The following PLCB1 variants were observed in gnomAD, a reference collection of about 807,000 sequenced individuals.
PLCB1 encodes 1-phosphatidylinositol 4,5-bisphosphate phosphodiesterase beta-1.
A neutral mutation model predicts 161.8 loss-of-function variants in PLCB1; 46 were observed. The ratio of observed to expected loss-of-function variants is 0.28; its 90% CI spans 0.22 to 0.36. The LOEUF (loss-of-function observed/expected upper bound fraction) is 0.36, where lower values mean the gene tolerates loss of function less well. Among genes scored for constraint, PLCB1 ranks in the 10% least tolerant of loss-of-function variants. The pLI is 1.00. For missense variants in PLCB1, 1,016 were observed against 1,472.5 expected (o/e 0.69, Z 5.07); for synonymous variants, 517 against 503.7 (o/e 1.03, Z -0.35).
chr20:8,550,555 A>T (rs1277199843), intron 3 of PLCB1, among the ~76,000 whole-genome samples: 3 of 152,134 alleles, frequency 2.0e-5, no homozygotes, highest in East Asian at 1.9e-4. Context: ...GCCATGCAGA[A>T]CTGTCAGTCA....
At chr20:8,768,276 T>C (rs1406824474) in intron 26 of PLCB1, among the ~76,000 whole-genome samples, 1 of 152,160 alleles carries the variant, frequency 6.6e-6, no homozygotes, top group Non-Finnish European at 1.5e-5. Flanking sequence ...TTCTAACTTC[T>C]GGTGGTTGCT....
At chr20:8,376,034 A>T (rs1030206597) in intron 3 of PLCB1, among the ~76,000 whole-genome samples, 2 of 150,296 alleles carry the variant, frequency 1.3e-5, no homozygotes, top group Non-Finnish European at 3.0e-5. Flanking sequence ...AAGCTTCTTT[A>T]TGTGTGGCTT....
At chr20:8,804,925 C>A (rs981422) in intron 31 of PLCB1, among the ~76,000 whole-genome samples, 14,746 of 145,710 alleles carry the variant, frequency 0.1, 2,087 homozygotes, top group African/African-American at 0.32. Flanking sequence ...TCCCTTGAAC[C>A]CGGAAGGTGA....
At chr20:8,863,549 A>C (rs563426959) in intron 31 of PLCB1, among the ~76,000 whole-genome samples, 3 of 152,322 alleles carry the variant, frequency 2.0e-5, no homozygotes, top group East Asian at 1.9e-4. Flanking sequence ...TGAGCCTGAG[A>C]ACATGTGTTT....
At position 8,882,718 on chromosome 20, in the gene PLCB1, A is replaced by G. The variant is rs918469625; in HGVS notation, c.*869A>G. On this transcript the variant is annotated 3_prime_UTR_variant, in exon 32 of 32. Coordinates refer to ENST00000338037, the MANE Select transcript of PLCB1 (RefSeq NM_015192.4). Reference sequence around the variant, plus strand: ...ATATATGTTAAGCAGATATTCAATCAGAATGAACAGGTTCCGGTGGTTATT... The same window carrying G: ...ATATATGTTAAGCAGATATTCAATCGGAATGAACAGGTTCCGGTGGTTATT... The G allele has an allele frequency of 2.0e-5, 3 of 152,304 alleles. No homozygotes were observed. The highest frequency in any genetic ancestry group is 4.4e-5 in the Non-Finnish European group (3 of 68,040). The allele number at this position is 152,304 out of a possible 1,614,324, so 9.4% of individuals were successfully genotyped here. A position where few individuals can be genotyped will look rare whatever the true frequency, so the allele number is the denominator to read the frequency against.
At chr20:8,490,487 C>A (rs1245040787) in intron 3 of PLCB1, among the ~76,000 whole-genome samples, 1 of 152,262 alleles carries the variant, frequency 6.6e-6, no homozygotes, top group East Asian at 1.9e-4. Flanking sequence ...TATAGTAAGT[C>A]TTTGTGGATG....
chr20:8,846,514 T>C (rs1986697095), intron 31 of PLCB1, among the ~76,000 whole-genome samples: 1 of 152,114 alleles, frequency 6.6e-6, no homozygotes, highest in African/African-American at 2.4e-5. Flanking sequence ...TAGGTCTAGG[T>C]GCACTTTGTA....
chr20:8,697,863 TC>T, intron 11 of PLCB1, 80 bp downstream of exon 11: 1 of 1,280,134 alleles, frequency 7.8e-7, no homozygotes, highest in Non-Finnish European at 1.1e-6. Flanking sequence ...AGGTAGAAAG[TC>T]CCAGTGGTCA....
intron 3 of PLCB1, among the ~76,000 whole-genome samples, chr20:8,473,707 G>T (rs2122722887): frequency 6.6e-6 from 1 of 152,278 alleles, no homozygotes; most frequent in Admixed American, 6.5e-5. Flanking sequence ...CATGTAATTG[G>T]TTTTGTCTGA....
intron 2 of PLCB1, among the ~76,000 whole-genome samples, chr20:8,173,979 G>A (rs920911553): frequency 6.6e-5 from 10 of 152,116 alleles, no homozygotes; most frequent in African/African-American, 2.4e-4. Context: ...TTTTAAAAAT[G>A]AACTGAGCTC....
At chr20:8,166,326 G>C (rs2051674530) in intron 2 of PLCB1, among the ~76,000 whole-genome samples, 1 of 152,168 alleles carries the variant, frequency 6.6e-6, no homozygotes, top group Non-Finnish European at 1.5e-5. Flanking sequence ...CTTGAGCTCT[G>C]TGGTGCTTGA....
At chr20:8,206,574 G>T (rs976888851) in intron 2 of PLCB1, among the ~76,000 whole-genome samples, 3 of 151,940 alleles carry the variant, frequency 2.0e-5, no homozygotes, top group Admixed American at 2.0e-4. Context: ...ATCTAGATTT[G>T]CTTCTGCCAC....
chr20:8,764,594 C>A (rs551522517), intron 25 of PLCB1, among the ~76,000 whole-genome samples: 1 of 152,182 alleles, frequency 6.6e-6, no homozygotes, highest in Non-Finnish European at 1.5e-5. Context: ...TCCTTCTCTG[C>A]AAAATTGCCC....
intron 4 of PLCB1, among the ~76,000 whole-genome samples, chr20:8,629,889 CT>C (rs1464775878): frequency 9.3e-5 from 11 of 118,746 alleles, no homozygotes; most frequent in African/African-American, 3.6e-4. Context: ...CTCTCTCTTT[CT>C]TTTCTTTCTT....
At chr20:8,163,603 A>G (rs1216147726) in intron 2 of PLCB1, among the ~76,000 whole-genome samples, 2 of 152,172 alleles carry the variant, frequency 1.3e-5, no homozygotes, top group African/African-American at 2.4e-5. Flanking sequence ...AAATACATAA[A>G]CATGAGTTGC....
chr20:8,429,832 C>T (rs1272491795), intron 3 of PLCB1, among the ~76,000 whole-genome samples: 1 of 152,020 alleles, frequency 6.6e-6, no homozygotes, highest in Non-Finnish European at 1.5e-5. Context: ...CTATATTACC[C>T]TGTTTATTAA....
chr20:8,337,141 G>A (rs948510580), intron 2 of PLCB1, among the ~76,000 whole-genome samples: 1 of 152,124 alleles, frequency 6.6e-6, no homozygotes, highest in African/African-American at 2.4e-5. Context: ...CACAACTTAT[G>A]TGATAAACAT....
intron 31 of PLCB1, among the ~76,000 whole-genome samples, chr20:8,848,787 C>T (rs924455321): frequency 2.6e-5 from 4 of 152,184 alleles, no homozygotes; most frequent in African/African-American, 9.7e-5. Flanking sequence ...GTAGCAGGTT[C>T]CCCCCAGTGA....
chr20:8,136,012 A>G (rs2051343294), intron 1 of PLCB1, among the ~76,000 whole-genome samples: 1 of 152,144 alleles, frequency 6.6e-6, no homozygotes, highest in Admixed American at 6.5e-5. Flanking sequence ...AGGACTGTAA[A>G]CTGTACAATA....
Sources: gnomAD v4.1 joint callset for allele counts (sites outside exome capture counted in the v4.1 genomes callset) on GRCh38, gnomAD v4.1.1 for gene constraint, MANE v1.5 for transcripts, NCBI Gene and HGNC (gene_info 2026-07-23, HGNC 2026-07-21) for gene names.